The following WRAP73 variants were observed in gnomAD, a reference collection of about 807,000 sequenced individuals.
The protein encoded by WRAP73 is WD repeat-containing protein WRAP73.
Under a neutral mutation model 59.6 loss-of-function variants are expected in WRAP73, and 55 were observed. The ratio of observed to expected loss-of-function variants is 0.92; its 90% CI spans 0.74 to 1.15. WRAP73 has a LOEUF of 1.15. Ranked by LOEUF, WRAP73 falls within the 50% of genes most tolerant of loss-of-function variation. WRAP73 has a pLI of 0.00. For missense variants in WRAP73, 592 were observed against 608.1 expected (o/e 0.97, Z 0.28); for synonymous variants, 265 against 258.2 (o/e 1.03, Z -0.25).
At chr1:3,637,861 G>A (rs1644602981) in intron 4 of WRAP73, among the ~76,000 whole-genome samples, 1 of 152,088 alleles carries the variant, frequency 6.6e-6, no homozygotes, top group African/African-American at 2.4e-5. Flanking sequence ...ATGAAAATGT[G>A]GAAGAAACTT....
chr1:3,632,496 C>T (rs1235764277), intron 9 of WRAP73, 158 bp from the exon 10 acceptor site: 2 of 1,198,612 alleles, frequency 1.7e-6, no homozygotes, highest in African/African-American at 3.0e-5. Context: ...TAAGCAAAGC[C>T]TGGCAGCCGC....
Position 3,646,706 on chromosome 1 carries a change from C to A in WRAP73, c.299G>T (p.Ser100Ile), listed in dbSNP as rs765424521. 4 of 1,608,068 alleles carry A rather than the reference C, an allele frequency of 2.5e-6. No homozygotes were observed. Among genetic ancestry groups the A allele is most frequent in the Admixed American group, 3.4e-5 (2 of 59,436 alleles). ...GSAGLVASCW[S>I]PDGRHILNTT... Reference sequence around the variant, plus strand: ...GTTGAGAATGTGGCGCCCGTCCGGGCTCCAGCACGAGGCCACCAGCCCGGC... The same window carrying A: ...GTTGAGAATGTGGCGCCCGTCCGGGATCCAGCACGAGGCCACCAGCCCGGC... Residue 100 changes from serine to isoleucine, a missense_variant, in exon 3 of 12, where the codon AGC becomes ATC. Ser to Ile is a moderately radical substitution (Grantham distance 142). Coordinates refer to ENST00000270708, the MANE Select transcript of WRAP73 (RefSeq NM_017818.4). This position sits in a 1 kb window ranked among gnomAD's most constrained non-coding sequence, Gnocchi z 5.1.
chr1:3,639,486 G>C lies in WRAP73; in HGVS notation c.340-664C>G, dbSNP rs922736065. 6.6e-6 allele frequency: 1 copy of C among 152,370 alleles called. No homozygotes were observed. Among genetic ancestry groups the C allele is most frequent in the Non-Finnish European group, 1.5e-5 (1 of 68,124 alleles). 9.4% of individuals were successfully genotyped at this position (152,370 alleles called of 1,614,324 possible). A position where few individuals can be genotyped will look rare whatever the true frequency, so the allele number is the denominator to read the frequency against. ...TAACCAGGCCGACGAGGGCGTGCCT[G>C]CTGAGGGAGAGGCACCGCAGTGGGT... On this transcript the variant is annotated intron_variant, in intron 3 of 11. Transcript: ENST00000270708. This position sits in a 1 kb window ranked among gnomAD's most constrained non-coding sequence, Gnocchi z 4.3.
intron 1 of WRAP73, 116 bp downstream of exon 1, chr1:3,649,798 CCCGCACCTGTCCGGGCA>C (rs1227988674): frequency 3.2e-6 from 3 of 939,864 alleles, no homozygotes; most frequent in Non-Finnish European, 4.7e-6. Flanking sequence ...CTGCCCGGGC[CCCGCACCTGTCCGGGCA>C]CCGCACCTGC....
chr1:3,649,318 T>C (rs1414648568), intron 1 of WRAP73, among the ~76,000 whole-genome samples: 1 of 152,202 alleles, frequency 6.6e-6, no homozygotes, highest in Non-Finnish European at 1.5e-5. Flanking sequence ...GGGGATAGAA[T>C]ACTAGTATTT....
intron 1 of WRAP73, among the ~76,000 whole-genome samples, chr1:3,648,036 T>C (rs970460066): frequency 6.6e-6 from 1 of 152,256 alleles, no homozygotes; most frequent in Non-Finnish European, 1.5e-5. Flanking sequence ...AATCTTCTTA[T>C]GCAGTGCCGA....
intron 10 of WRAP73, chr1:3,632,006 C>T (rs770393667): frequency 1.4e-6 from 2 of 1,450,766 alleles, no homozygotes; most frequent in East Asian, 4.9e-5. Context: ...TGGAGGCCTC[C>T]TGACTCATGC....
intron 11 of WRAP73, 146 bp downstream of exon 11, chr1:3,631,320 C>A (rs1038065588): frequency 1.5e-6 from 2 of 1,305,318 alleles, no homozygotes; most frequent in African/African-American, 3.0e-5. Flanking sequence ...CCTGTGTGTC[C>A]GTCTTGAGGT....
At chr1:3,632,573 TG>T (rs1017963613) in intron 9 of WRAP73, 83 of 585,550 alleles carry the variant, frequency 1.4e-4, no homozygotes, top group Non-Finnish European at 2.4e-4. Flanking sequence ...CCCGACTAGG[TG>T]GGGGGTGGAC....
At chr1:3,638,218 C>T (rs766151294) in intron 4 of WRAP73, among the ~76,000 whole-genome samples, 7 of 152,364 alleles carry the variant, frequency 4.6e-5, no homozygotes, top group South Asian at 2.1e-4. Flanking sequence ...TCCAGTTAGA[C>T]GCGCTGGCAG....
chr1:3,641,802 A>C (rs1344056571), intron 3 of WRAP73, among the ~76,000 whole-genome samples: 1 of 152,262 alleles, frequency 6.6e-6, no homozygotes, highest in African/African-American at 2.4e-5. Flanking sequence ...AGCTAACTAT[A>C]GACTATTTAC....
chr1:3,631,266 G>C (rs895562179), intron 11 of WRAP73, 149 bp from the exon 12 acceptor site: 5 of 1,386,350 alleles, frequency 3.6e-6, no homozygotes, highest in African/African-American at 1.4e-5. Context: ...CCTCAAGTCA[G>C]GGAGAGGCTG....
Position 3,635,180 on chromosome 1 carries a change from C to T in WRAP73, c.718G>A (p.Val240Ile), listed in dbSNP as rs764323220. The stretch of plus-strand genomic sequence containing the variant: ...CCCACCTTTCCATCATAGCTCCCAA[C>T]TGCCAGGAACTGACTGCTGGGGCTC... ...AWSPSSQFLA[V>I]GSYDGKVRIL... The change falls in exon 7 of 12, where the codon GTT becomes ATT. Residue 240 changes from valine to isoleucine, a missense_variant. Coordinates refer to ENST00000270708, the MANE Select transcript of WRAP73 (RefSeq NM_017818.4). 6.2e-7 allele frequency: 1 copy of T among 1,614,148 alleles called. No homozygotes were observed. Among genetic ancestry groups the T allele is most frequent in the Non-Finnish European group, 8.5e-7 (1 of 1,180,050 alleles).
At chr1:3,649,584 CGGGCACCT>C (rs1644721116) in intron 1 of WRAP73, among the ~76,000 whole-genome samples, 2 of 151,038 alleles carry the variant, frequency 1.3e-5, no homozygotes, top group African/African-American at 4.9e-5. Context: ...CGCACCTGCC[CGGGCACCT>C]GCCGGGGTCC....
Position 3,630,977 on chromosome 1 carries a change from AC to A in WRAP73, c.1380del (p.Ter461SerfsTer38). 2 of 1,612,706 alleles carry A rather than the reference AC, an allele frequency of 1.2e-6. No homozygotes were observed. Among genetic ancestry groups the A allele is most frequent in the Non-Finnish European group, 1.7e-6 (2 of 1,179,820 alleles). ...CTGCACACGTTAGTGCACCGCTGCTACGTGTGGCCGCCCAGCTGTCTGCAGG... is the reference window on the plus strand; with the variant it reads ...CTGCACACGTTAGTGCACCGCTGCTAGTGTGGCCGCCCAGCTGTCTGCAGG... ...GTACRQLGGH[T>X] On this transcript the variant is annotated frameshift_variant, in exon 12 of 12. Transcript: ENST00000270708. LOFTEE classifies it high-confidence loss of function.
chr1:3,644,972 GCTCAAATTATC>G (rs1191476974), intron 3 of WRAP73, among the ~76,000 whole-genome samples: 10 of 152,226 alleles, frequency 6.6e-5, no homozygotes, highest in African/African-American at 2.2e-4. Flanking sequence ...TGCGTGAAAA[GCTCAAATTATC>G]CTCTCTGAAA....
rs1644525377 is a variant in WRAP73 at position 3,630,929 on chromosome 1, G to A, written c.*46C>T. Reference sequence around the variant, plus strand: ...GTGAAGCTGTGTTTTTTCCCACACTGGAAACACAGAGTAGCCCTGTTTCTG... The same window carrying A: ...GTGAAGCTGTGTTTTTTCCCACACTAGAAACACAGAGTAGCCCTGTTTCTG... On this transcript the variant is annotated 3_prime_UTR_variant, in exon 12 of 12. Transcript: ENST00000270708. The A allele has an allele frequency of 1.3e-6, 2 of 1,579,904 alleles. No homozygotes were observed. Among genetic ancestry groups the A allele is most frequent in the African/African-American group, 1.4e-5 (1 of 73,960 alleles).
chr1:3,635,397 GCTGGCAGGA>G, intron 6 of WRAP73, 103 bp from the exon 7 acceptor site: 6 of 1,515,762 alleles, frequency 4.0e-6, no homozygotes, highest in Non-Finnish European at 5.4e-6. Context: ...ATAGCACAAA[GCTGGCAGGA>G]CTGTCCGCGT....
chr1:3,632,101 G>A, intron 10 of WRAP73, 112 bp downstream of exon 10: 1 of 1,507,358 alleles, frequency 6.6e-7, no homozygotes, highest in Non-Finnish European at 8.8e-7. Context: ...AAACGTGAAA[G>A]GAGGTGACGT....
Sources: allele counts gnomAD v4.1 joint callset (sites outside exome capture counted in the v4.1 genomes callset), GRCh38; gene constraint gnomAD v4.1.1; non-coding constraint Gnocchi (gnomAD v3.1); transcripts MANE v1.5; gene names NCBI Gene and HGNC (gene_info 2026-07-23, HGNC 2026-07-21).